The following HCRTR1 variants were observed in gnomAD, a reference collection of about 807,000 sequenced individuals.
The protein encoded by HCRTR1 is hypocretin receptor 1.
A neutral mutation model predicts 40.6 loss-of-function variants in HCRTR1; 28 were observed. The ratio of observed to expected loss-of-function variants is 0.69; its 90% CI spans 0.51 to 0.95. The LOEUF is 0.95. Ranked by LOEUF, HCRTR1 falls within the 40% of genes least tolerant of loss-of-function variation. The pLI, the probability that HCRTR1 is intolerant of heterozygous loss-of-function variation, is 0.00. For synonymous variants in HCRTR1, 209 were observed against 230.0 expected, an observed-to-expected ratio of 0.91 and a Z score of 0.83; for missense variants, 482 against 564.7, an observed-to-expected ratio of 0.85 and a Z score of 1.48.
downstream of HCRTR1, chr1:31,633,326 G>A (rs375773716): frequency 3.1e-6 from 5 of 1,604,058 alleles, no homozygotes; most frequent in South Asian, 4.4e-5. Context: ...TGGAGGAAGG[G>A]GTGTGAAGGC....
intron 4 of HCRTR1, among the ~76,000 whole-genome samples, chr1:31,620,176 G>A (rs2280385): frequency 0.011 from 1,693 of 152,304 alleles, 19 homozygotes; most frequent in East Asian, 0.043. Context: ...GGTTAGTGGG[G>A]TGGAAGGAAG....
chr1:31,625,031 G>A lies in HCRTR1; in HGVS notation c.1000G>A (p.Glu334Lys), dbSNP rs201416198. The A allele has an allele frequency of 1.4e-5, 22 of 1,611,206 alleles. No individual in the cohort carries two copies. Among genetic ancestry groups the A allele is most frequent in the Middle Eastern group, 1.6e-4 (1 of 6,070 alleles). The change falls in exon 8 of 9, where the codon GAA (glutamate) becomes AAA (lysine). Residue 334 changes from glutamate (E) to lysine (K), a missense_variant. Transcript: ENST00000403528. The surrounding 1 kb of genome is among the most constrained non-coding windows in gnomAD (Gnocchi z 4.2). ...FGMFRQASDR[E>K]AVYACFTFSH... ...GATGTTCCGCCAAGCCAGTGACCGC[G>A]AAGCTGTCTACGCCTGCTTCACCTT...
chr1:31,627,336 T>G lies in HCRTR1; in HGVS notation c.*356T>G, dbSNP rs1640002792. On this transcript the variant is annotated 3_prime_UTR_variant, in exon 9 of 9. Transcript: ENST00000403528. The stretch of plus-strand genomic sequence containing the variant: ...ACCCAATTACAGGCCTTCCCTGGAG[T>G]CTGCTCTAAAGGTCCCAACAGGCAT... 7.6e-7 allele frequency: 1 copy of G among 1,315,190 alleles called. No homozygotes were observed. The highest frequency in any genetic ancestry group is 9.9e-7 in the Non-Finnish European group (1 of 1,006,176). 81.5% of individuals were successfully genotyped at this position (1,315,190 alleles called of 1,614,324 possible).
At position 31,626,107 on chromosome 1, in the gene HCRTR1, C is replaced by A. The variant is rs937677071; in HGVS notation, c.1088-683C>A. ...TGCTGGGCACCAGAGAGGCTGGCAGCCTAATGACACATGATCAAAGGGGCT... is the reference window on the plus strand; with the variant it reads ...TGCTGGGCACCAGAGAGGCTGGCAGACTAATGACACATGATCAAAGGGGCT... On this transcript the variant is annotated intron_variant, in intron 8 of 8. Transcript: ENST00000403528. This position sits in a 1 kb window ranked among gnomAD's most constrained non-coding sequence, Gnocchi z 4.6. 1.3e-5 allele frequency among the ~76,000 whole-genome samples: 2 copies of A among 152,130 alleles called. No individual in the cohort carries two copies. Among genetic ancestry groups the A allele is most frequent in the Non-Finnish European group, 2.9e-5 (2 of 68,028 alleles).
At chr1:31,632,611 C>T (rs147722531), downstream of HCRTR1, 265 of 1,614,074 alleles carry the variant, frequency 1.6e-4, no homozygotes, top group Admixed American at 8.5e-4. Flanking sequence ...GACATCGATG[C>T]GGCCTGACTT....
chr1:31,623,775 T>C (rs1570253666), intron 7 of HCRTR1, 26 bp downstream of exon 7: 1 of 1,578,376 alleles, frequency 6.3e-7, no homozygotes, highest in Non-Finnish European at 8.7e-7. Flanking sequence ...ATGGTTGGGG[T>C]GGGGAGAAGT....
At chr1:31,621,862 A>G (rs1018770033) in intron 6 of HCRTR1, among the ~76,000 whole-genome samples, 8 of 152,224 alleles carry the variant, frequency 5.3e-5, no homozygotes, top group African/African-American at 1.9e-4. Context: ...CTTAGCCACC[A>G]TATATTACCC....
In HCRTR1 at chr1:31,619,363, C is replaced by T. The variant is rs1388339441; in HGVS notation, c.171C>T (p.Phe57=). 6.8e-6 allele frequency: 11 copies of T among 1,614,194 alleles called. No homozygotes were observed. The highest frequency in any genetic ancestry group is 6.7e-5 in the East Asian group (3 of 44,888). ...WVLIAAYVAV[F]VVALVGNTLV... The stretch of plus-strand genomic sequence containing the variant: ...TCATCGCAGCCTATGTGGCTGTGTT[C>T]GTCGTGGCCCTGGTGGGCAACACGC... The change falls in exon 3 of 9, where the codon TTC becomes TTT. Residue 57 remains phenylalanine (F), a synonymous_variant. Coordinates refer to ENST00000403528, the MANE Select transcript of HCRTR1 (RefSeq NM_001525.3).
At chr1:31,632,302 T>C (rs1165761905), downstream of HCRTR1, 9 of 959,664 alleles carry the variant, frequency 9.4e-6, no homozygotes, top group African/African-American at 6.5e-5. Context: ...AGGTGTTTCC[T>C]TGCCCTGGCT....
At position 31,626,851 on chromosome 1, in the gene HCRTR1, C is replaced by T. The variant is rs75004619; in HGVS notation, c.1149C>T (p.Cys383=). ...FSCCLPGLGP[C]GSLKAPSPRS... ...GCTGCCTGCCTGGCCTGGGTCCCTG[C>T]GGCTCTCTGAAGGCCCCTAGTCCCC... is the stretch of plus-strand genomic sequence containing the variant. Residue 383 remains cysteine (C), a synonymous_variant, in exon 9 of 9, where the codon TGC becomes TGT. Transcript: ENST00000403528. This position sits in a 1 kb window ranked among gnomAD's most constrained non-coding sequence, Gnocchi z 4.6. The T allele has an allele frequency of 1.2e-5, 19 of 1,613,936 alleles. No individual in the cohort carries two copies. Among genetic ancestry groups the T allele is most frequent in the South Asian group, 2.2e-5 (2 of 91,092 alleles).
chr1:31,620,722 C>A, intron 4 of HCRTR1, 121 bp from the exon 5 acceptor site: 1 of 1,281,800 alleles, frequency 7.8e-7, no homozygotes, highest in Non-Finnish European at 1.1e-6. Context: ...ATTTACACAG[C>A]CAGTAAGTGG....
chr1:31,629,196 T>G (rs1243062122), downstream of HCRTR1, among the ~76,000 whole-genome samples: 1 of 152,204 alleles, frequency 6.6e-6, no homozygotes, highest in African/African-American at 2.4e-5. Context: ...AGAATGCAAC[T>G]GACCTGGCTA....
In HCRTR1 at chr1:31,626,677, T is replaced by TCCCCC; in HGVS notation, c.1088-109_1088-108insCCCCC. The stretch of plus-strand genomic sequence containing the variant: ...CCTCCCAGCTCTATCCCTCCCTCCC[T>TCCCCC]CCCCGCCCCCTCATAGGCAGCTTGG... On this transcript the variant is annotated intron_variant, in intron 8 of 8. Transcript: ENST00000403528. The surrounding 1 kb of genome is among the most constrained non-coding windows in gnomAD (Gnocchi z 4.6). 1 of 338,150 alleles carries TCCCCC rather than the reference T, an allele frequency of 3.0e-6. No individual in the cohort carries two copies. 20.9% of individuals were successfully genotyped at this position (338,150 alleles called of 1,614,324 possible).
In HCRTR1 at chr1:31,619,648, G is replaced by A. The variant is rs1557576174; in HGVS notation, c.316G>A (p.Val106Met). Reference sequence around the variant, plus strand: ...TATCTGCCTGCCGGCCAGCCTGCTGGTGGACATCACTGAGTCCTGGCTGTT... The same window carrying A: ...TATCTGCCTGCCGGCCAGCCTGCTGATGGACATCACTGAGTCCTGGCTGTT... Reference protein sequence around the residue: ...TAICLPASLLVDITESWLFGH... With the variant: ...TAICLPASLLMDITESWLFGH... Residue 106 changes from valine (V) to methionine (M), a missense_variant, in exon 4 of 9, where the codon GTG becomes ATG. Val to Met is a conservative substitution (Grantham distance 21). Transcript: ENST00000403528. 2 of 1,613,922 alleles carry A rather than the reference G, an allele frequency of 1.2e-6. No individual in the cohort carries two copies. Among genetic ancestry groups the A allele is most frequent in the Non-Finnish European group, 1.7e-6 (2 of 1,179,916 alleles).
downstream of HCRTR1, chr1:31,632,349 G>T: frequency 7.3e-7 from 1 of 1,375,758 alleles, no homozygotes; most frequent in Non-Finnish European, 1.0e-6. Context: ...AAGAAGGGGT[G>T]AGGGATGCAG....
At chr1:31,633,274 C>T, downstream of HCRTR1, 1 of 1,613,948 alleles carries the variant, frequency 6.2e-7, no homozygotes, top group Non-Finnish European at 8.5e-7. Flanking sequence ...CCGACTGGAA[C>T]CAGGAGTAGG....
At chr1:31,633,037 CCA>C, downstream of HCRTR1, 1 of 1,223,566 alleles carries the variant, frequency 8.2e-7, no homozygotes, top group Non-Finnish European at 1.1e-6. Flanking sequence ...AGCTTCCTCC[CCA>C]CAGTCCTCCC....
downstream of HCRTR1, chr1:31,630,376 C>T (rs1368630338): frequency 1.8e-6 from 1 of 542,460 alleles, no homozygotes; most frequent in Non-Finnish European, 3.3e-6. Flanking sequence ...GCCATCAGGA[C>T]ATTCAACTTC....
downstream of HCRTR1, among the ~76,000 whole-genome samples, chr1:31,628,852 T>C (rs1640027356): frequency 6.6e-6 from 1 of 152,050 alleles, no homozygotes; most frequent in Non-Finnish European, 1.5e-5. Context: ...AAGAGAGGAC[T>C]TGGGGAAAAT....
Sources: gnomAD v4.1 joint callset for allele counts (sites outside exome capture counted in the v4.1 genomes callset) on GRCh38, gnomAD v4.1.1 for gene constraint, Gnocchi (gnomAD v3.1) non-coding constraint, MANE v1.5 for transcripts, NCBI Gene and HGNC (gene_info 2026-07-23, HGNC 2026-07-21) for gene names.